Variants in MAGI3 observed in about 807,000 individuals in gnomAD.
MAGI3 encodes membrane-associated guanylate kinase, WW and PDZ domain-containing protein 3.
Under a neutral mutation model 121.8 loss-of-function variants are expected in MAGI3, and 43 were observed. The ratio of observed to expected loss-of-function variants is 0.35; its 90% CI spans 0.28 to 0.46. The LOEUF (loss-of-function observed/expected upper bound fraction) is 0.46, where lower values mean the gene tolerates loss of function less well. Ranked by LOEUF, MAGI3 falls within the 20% of genes least tolerant of loss-of-function variation. The pLI is 1.00. For missense variants in MAGI3, 1,547 were observed against 1,797.3 expected (o/e 0.86, Z 2.52); for synonymous variants, 553 against 639.3 (o/e 0.86, Z 2.04).
At chr1:113,418,804 TC>T (rs995888046) in intron 1 of MAGI3, among the ~76,000 whole-genome samples, 4 of 152,118 alleles carry the variant, frequency 2.6e-5, no homozygotes, top group Admixed American at 1.3e-4. Context: ...TGATAGTGAA[TC>T]ATTTTATATC....
chr1:113,598,426 T>C (rs1446294538), intron 6 of MAGI3, among the ~76,000 whole-genome samples: 2 of 152,156 alleles, frequency 1.3e-5, no homozygotes, highest in Admixed American at 6.5e-5. Context: ...ATCTGCTGTC[T>C]TCAAGAGATT....
chr1:113,395,969 A>AT (rs1372381679), intron 1 of MAGI3, among the ~76,000 whole-genome samples: 10 of 152,044 alleles, frequency 6.6e-5, no homozygotes, highest in Non-Finnish European at 1.5e-5. Context: ...CGTATACATT[A>AT]TTTTTCCTCT....
At chr1:113,585,326 C>T (rs1290204150) in intron 3 of MAGI3, 61 bp from the exon 4 acceptor site, 2 of 1,492,482 alleles carry the variant, frequency 1.3e-6, no homozygotes, top group Non-Finnish European at 9.3e-7. Context: ...TACACTAGGT[C>T]AAATTGCTCT....
intron 6 of MAGI3, among the ~76,000 whole-genome samples, chr1:113,597,069 C>T (rs1390261060): frequency 6.6e-6 from 1 of 152,102 alleles, no homozygotes; most frequent in Admixed American, 6.5e-5. Context: ...TGGAAACCAC[C>T]CAACTGTCCA....
chr1:113,441,932 A>G (rs1289725626), intron 1 of MAGI3, among the ~76,000 whole-genome samples: 1 of 152,224 alleles, frequency 6.6e-6, no homozygotes, highest in Non-Finnish European at 1.5e-5. Flanking sequence ...CTATATGTGT[A>G]GAGAATTAAC....
At chr1:113,452,846 A>G (rs1226802394) in intron 1 of MAGI3, among the ~76,000 whole-genome samples, 1 of 152,204 alleles carries the variant, frequency 6.6e-6, no homozygotes, top group Admixed American at 6.5e-5. Flanking sequence ...GACTCAGTGA[A>G]GAAATTTTAC....
chr1:113,514,599 G>A (rs1657792510), intron 1 of MAGI3, among the ~76,000 whole-genome samples: 1 of 151,784 alleles, frequency 6.6e-6, no homozygotes, highest in African/African-American at 2.4e-5. Flanking sequence ...CACAGGAAGG[G>A]GAACATCACA....
Position 113,590,412 on chromosome 1 carries a change from A to G in MAGI3, c.764-72A>G, listed in dbSNP as rs1648621005. 6 of 1,480,832 alleles carry G rather than the reference A, an allele frequency of 4.1e-6. No individual in the cohort carries two copies. In the East Asian group the frequency reaches 1.1e-4, roughly 28 times the overall value. 91.7% of individuals were successfully genotyped at this position (1,480,832 alleles called of 1,614,324 possible). A position where few individuals can be genotyped will look rare whatever the true frequency, so the allele number is the denominator to read the frequency against. ...TTATGTATTTGGAATTTTTTTAGAA[A>G]GGAAAGGTGCTGTTTGAAGAAGAAT... On this transcript the variant is annotated intron_variant, in intron 4 of 20. Transcript: ENST00000307546.
chr1:113,660,154 A>G (rs1359111894), intron 16 of MAGI3, among the ~76,000 whole-genome samples: 1 of 152,128 alleles, frequency 6.6e-6, no homozygotes, highest in East Asian at 1.9e-4. Context: ...AAATCTGTTC[A>G]AGATGCTATA....
intron 6 of MAGI3, among the ~76,000 whole-genome samples, chr1:113,601,497 A>G (rs1181694335): frequency 6.8e-6 from 1 of 147,254 alleles, no homozygotes. Flanking sequence ...GCCATCAGAG[A>G]AATGCAAATC....
chr1:113,521,010 A>G (rs1005234833), intron 1 of MAGI3, among the ~76,000 whole-genome samples: 13 of 152,056 alleles, frequency 8.5e-5, no homozygotes, highest in African/African-American at 2.7e-4. Context: ...GCTGGAACCT[A>G]TTTAGGCTCT....
At chr1:113,681,973 C>T (rs1038667325) in intron 20 of MAGI3, among the ~76,000 whole-genome samples, 6 of 152,120 alleles carry the variant, frequency 3.9e-5, no homozygotes, top group East Asian at 3.9e-4. Context: ...ACCACACCCA[C>T]GCAGTACTTG....
At chr1:113,633,284 C>T (rs1478831857) in intron 9 of MAGI3, among the ~76,000 whole-genome samples, 19 of 64,898 alleles carry the variant, frequency 2.9e-4, no homozygotes, top group African/African-American at 6.0e-4. Flanking sequence ...TTTTTTGAGA[C>T]GGAGTCTCGC....
At chr1:113,399,870 G>A (rs1464998574) in intron 1 of MAGI3, among the ~76,000 whole-genome samples, 1 of 151,998 alleles carries the variant, frequency 6.6e-6, no homozygotes, top group East Asian at 1.9e-4. Context: ...AATTCTAAAC[G>A]AATTACTTTC....
At chr1:113,412,012 A>G (rs1652024543) in intron 1 of MAGI3, among the ~76,000 whole-genome samples, 1 of 144,466 alleles carries the variant, frequency 6.9e-6, no homozygotes, top group South Asian at 2.4e-4. Context: ...TCCTAATGCT[A>G]TCCCTCTCCC....
chr1:113,557,778 TATCCAGCCACCTCCTA>T (rs1373549137), intron 2 of MAGI3, among the ~76,000 whole-genome samples: 1 of 152,016 alleles, frequency 6.6e-6, no homozygotes, highest in Non-Finnish European at 1.5e-5. Flanking sequence ...CTTACTGGAG[TATCCAGCCACCTCCTA>T]CAGGTACGTT....
chr1:113,612,235 T>C (rs957623737), intron 6 of MAGI3, among the ~76,000 whole-genome samples: 1 of 152,132 alleles, frequency 6.6e-6, no homozygotes, highest in Non-Finnish European at 1.5e-5. Context: ...AGCCAACTTA[T>C]CTTTAAAGAC....
intron 1 of MAGI3, among the ~76,000 whole-genome samples, chr1:113,491,363 G>A (rs763060703): frequency 2.0e-5 from 3 of 152,154 alleles, no homozygotes; most frequent in Non-Finnish European, 4.4e-5. Context: ...GAATCTGTGG[G>A]ATACAGCCAA....
At chr1:113,657,123 A>G (rs564617187) in intron 15 of MAGI3, among the ~76,000 whole-genome samples, 10 of 152,346 alleles carry the variant, frequency 6.6e-5, no homozygotes, top group Non-Finnish European at 1.3e-4. Flanking sequence ...AAGCCAGGCT[A>G]TGAGACAGAT....
Sources: allele counts gnomAD v4.1 joint callset (sites outside exome capture counted in the v4.1 genomes callset), GRCh38; gene constraint gnomAD v4.1.1; transcripts MANE v1.5; gene names NCBI Gene and HGNC (gene_info 2026-07-23, HGNC 2026-07-21).